The following ZNF438 variants were observed in gnomAD, a reference collection of about 807,000 sequenced individuals.
ZNF438 encodes the protein zinc finger protein 438.
ZNF438 carries 25 observed loss-of-function variants against 38.0 expected under a neutral mutation model. That is an observed-to-expected ratio of 0.66 (90% CI 0.48 to 0.92). The LOEUF (loss-of-function observed/expected upper bound fraction) is 0.92. ZNF438 is among the 40% of genes least tolerant of loss of function. ZNF438 has a pLI of 0.00. For missense variants in ZNF438, 1,007 were observed against 999.6 expected (o/e 1.01, Z -0.10); for synonymous variants, 372 against 364.1 (o/e 1.02, Z -0.25).
chr10:30,940,668 T>A lies in ZNF438; in HGVS notation c.-115+907A>T, dbSNP rs35171112. Among the ~76,000 whole-genome samples the A allele has an allele frequency of 6.1e-3, 923 of 152,276 alleles. 6 individuals are homozygous for A. The highest frequency in any genetic ancestry group is 0.011 in the Admixed American group (164 of 15,304). ...GGAGTTGGAAGCCATTAAAGCGTTTTAAAATTACTAAAAGTGGTTCTATAT... is the reference window on the plus strand; with the variant it reads ...GGAGTTGGAAGCCATTAAAGCGTTTAAAAATTACTAAAAGTGGTTCTATAT... On this transcript the variant is annotated intron_variant, in intron 2 of 5. Transcript: ENST00000413025.
At chr10:30,884,142 CA>C (rs199526579) in intron 3 of ZNF438, among the ~76,000 whole-genome samples, 2,445 of 152,182 alleles carry the variant, frequency 0.016, 56 homozygotes, top group African/African-American at 0.054. Flanking sequence ...GGAGTGCCAT[CA>C]AAATAATTTT....
chr10:30,890,922 G>T (rs189508730), intron 3 of ZNF438, among the ~76,000 whole-genome samples: 100 of 152,294 alleles, frequency 6.6e-4, no homozygotes, highest in African/African-American at 2.2e-3. Flanking sequence ...CAATAAAAAT[G>T]TCGGATAATT....
Position 30,961,796 on chromosome 10 carries a change from C to T in ZNF438, c.-191-20145G>A, listed in dbSNP as rs2049519650. 1.4e-5 allele frequency among the ~76,000 whole-genome samples: 2 copies of T among 143,834 alleles called. 1 individual carries two copies. The highest frequency in any genetic ancestry group is 3.1e-5 in the Non-Finnish European group (2 of 63,704). The allele number at this position is 143,834 out of a possible 152,430, so 94.4% of individuals were successfully genotyped here. A position where few individuals can be genotyped will look rare whatever the true frequency, so the allele number is the denominator to read the frequency against. On this transcript the variant is annotated intron_variant, in intron 1 of 5. Coordinates refer to ENST00000413025, the Ensembl canonical transcript of ZNF438. ...CTAGCTACTCAGGAGGCTGAGGCAG[C>T]AGAATCGCTTGAACCCGGGAGGTGG...
intron 1 of ZNF438, among the ~76,000 whole-genome samples, chr10:30,944,166 C>T (rs1293162261): frequency 2.0e-5 from 3 of 152,136 alleles, no homozygotes; most frequent in Non-Finnish European, 4.4e-5. Flanking sequence ...ACATCTGTTT[C>T]GGCAAAAGAC....
intron 1 of ZNF438, among the ~76,000 whole-genome samples, chr10:30,997,581 T>C (rs1287308995): frequency 6.6e-6 from 1 of 151,930 alleles, no homozygotes; most frequent in African/African-American, 2.4e-5. Context: ...TCCTATTTTT[T>C]TTTTTTTTTT....
chr10:31,021,688 A>G (rs1296770358), intron 1 of ZNF438, among the ~76,000 whole-genome samples: 1 of 152,200 alleles, frequency 6.6e-6, no homozygotes, highest in Non-Finnish European at 1.5e-5. Context: ...ATTCGGGGTC[A>G]AAATGGTTCA....
intron 2 of ZNF438, among the ~76,000 whole-genome samples, chr10:30,931,731 T>C (rs1035776042): frequency 6.6e-6 from 1 of 152,210 alleles, no homozygotes; most frequent in Non-Finnish European, 1.5e-5. Context: ...ACGTCAAACA[T>C]TCTTGCCAAT....
At chr10:30,861,281 T>C (rs2035540081) in intron 4 of ZNF438, among the ~76,000 whole-genome samples, 1 of 152,218 alleles carries the variant, frequency 6.6e-6, no homozygotes, top group Non-Finnish European at 1.5e-5. Context: ...TAAATAGTTG[T>C]TTTACTGTAT....
intron 1 of ZNF438, among the ~76,000 whole-genome samples, chr10:31,016,501 G>A (rs866286233): frequency 2.6e-5 from 4 of 152,106 alleles, no homozygotes; most frequent in South Asian, 2.1e-4. Context: ...TCTCTCTCAC[G>A]TTACAGTCAA....
At chr10:31,020,312 A>C (rs2056497185) in intron 1 of ZNF438, among the ~76,000 whole-genome samples, 1 of 152,236 alleles carries the variant, frequency 6.6e-6, no homozygotes, top group African/African-American at 2.4e-5. Flanking sequence ...CAAGTTGCCT[A>C]GCTGAGTGCT....
intron 3 of ZNF438, among the ~76,000 whole-genome samples, chr10:30,900,644 TTAAG>T (rs1441485543): frequency 6.6e-6 from 1 of 152,180 alleles, no homozygotes; most frequent in Non-Finnish European, 1.5e-5. Flanking sequence ...CAGAGAGAGA[TTAAG>T]TAACTTATTT....
chr10:30,992,348 C>A (rs1050114534), intron 1 of ZNF438, among the ~76,000 whole-genome samples: 1 of 151,654 alleles, frequency 6.6e-6, no homozygotes, highest in Non-Finnish European at 1.5e-5. Context: ...ACCTGCATTG[C>A]CATAAATGGA....
intron 4 of ZNF438, among the ~76,000 whole-genome samples, chr10:30,850,597 T>A (rs1355948850): frequency 6.6e-6 from 1 of 152,192 alleles, no homozygotes; most frequent in Non-Finnish European, 1.5e-5. Flanking sequence ...ATTATGTTAT[T>A]TACCATTTTC....
intron 1 of ZNF438, among the ~76,000 whole-genome samples, chr10:31,009,146 T>C (rs982609712): frequency 1.3e-5 from 2 of 152,228 alleles, no homozygotes; most frequent in African/African-American, 4.8e-5. Flanking sequence ...TCTTTATAAA[T>C]GTGGATATAA....
intron 1 of ZNF438, among the ~76,000 whole-genome samples, chr10:30,944,638 A>G (rs144259886): frequency 6.6e-6 from 1 of 152,314 alleles, no homozygotes; most frequent in Non-Finnish European, 1.5e-5. Context: ...TAAGGAGTTG[A>G]TACCTCTAAC....
At chr10:30,883,714 C>CA (rs1259651774) in intron 3 of ZNF438, among the ~76,000 whole-genome samples, 1 of 151,932 alleles carries the variant, frequency 6.6e-6, no homozygotes, top group Non-Finnish European at 1.5e-5. Flanking sequence ...ACAAAAAATA[C>CA]AAAAAACCCA....
chr10:30,938,847 T>C (rs2046526934), intron 2 of ZNF438, among the ~76,000 whole-genome samples: 1 of 152,096 alleles, frequency 6.6e-6, no homozygotes, highest in African/African-American at 2.4e-5. Flanking sequence ...CAGGCTGGAG[T>C]GCAGTGGCAC....
At chr10:31,032,312 C>T (rs2057340402), upstream of ZNF438, among the ~76,000 whole-genome samples, 1 of 152,204 alleles carries the variant, frequency 6.6e-6, no homozygotes, top group African/African-American at 2.4e-5. Flanking sequence ...GCCATTTGCT[C>T]TCCATCAGGT....
chr10:30,899,779 G>A (rs759402108), intron 3 of ZNF438, among the ~76,000 whole-genome samples: 2 of 151,854 alleles, frequency 1.3e-5, no homozygotes, highest in Non-Finnish European at 2.9e-5. Context: ...CAATCTACTA[G>A]AGTTTAATTA....
Sources: gnomAD v4.1 joint callset for allele counts (sites outside exome capture counted in the v4.1 genomes callset) on GRCh38, gnomAD v4.1.1 for gene constraint, MANE v1.5 for transcripts, NCBI Gene and HGNC (gene_info 2026-07-23, HGNC 2026-07-21) for gene names.